Variants in ITPR2 observed in about 807,000 individuals in gnomAD.
ITPR2 encodes the protein inositol 1,4,5-trisphosphate receptor type 2, also known as inositol 1,4,5-trisphosphate-gated calcium channel ITPR2.
A neutral mutation model predicts 317.1 loss-of-function variants in ITPR2; 207 were observed. The ratio of observed to expected loss-of-function variants is 0.65; its 90% CI spans 0.58 to 0.73. The LOEUF (loss-of-function observed/expected upper bound fraction) is 0.73. Among genes scored for constraint, ITPR2 ranks in the 30% least tolerant of loss-of-function variants. The probability of loss-of-function intolerance (pLI) is 0.00; values close to 1 mark genes in which losing one functional copy is unlikely to be tolerated. For missense variants in ITPR2, 2,613 were observed against 3,284.0 expected (o/e 0.80, Z 4.99); for synonymous variants, 1,156 against 1,149.1 (o/e 1.01, Z -0.12).
chr12:26,657,859 C>T lies in ITPR2; in HGVS notation c.2040G>A (p.Glu680=), dbSNP rs1176661834. 1 of 1,614,036 alleles carries T rather than the reference C, an allele frequency of 6.2e-7. No homozygotes were observed. Among genetic ancestry groups the T allele is most frequent in the Non-Finnish European group, 8.5e-7 (1 of 1,180,030 alleles). ...CAATGTCATCTGAAAGGATGGAGCTCTCCATGGGGTTGTCTGCTTGCATTG... is the reference window on the plus strand; with the variant it reads ...CAATGTCATCTGAAAGGATGGAGCTTTCCATGGGGTTGTCTGCTTGCATTG... ...VVSMQADNPM[E]SSILSDDIDD... Residue 680 remains glutamate (E), a synonymous_variant, in exon 18 of 57, where the codon GAG becomes GAA. Transcript: ENST00000381340.
chr12:26,798,428 TAGTTTGA>T (rs1950493811), intron 1 of ITPR2, among the ~76,000 whole-genome samples: 1 of 152,230 alleles, frequency 6.6e-6, no homozygotes, highest in Non-Finnish European at 1.5e-5. Flanking sequence ...TTATACACTG[TAGTTTGA>T]AAGTTTAAGT....
chr12:26,782,018 ATATATATATATATATG>A lies in ITPR2; in HGVS notation c.163+8123_163+8138del, dbSNP rs1338043818. Among the ~76,000 whole-genome samples the A allele has an allele frequency of 2.9e-3, 83 of 28,990 alleles. 2 individuals carry two copies. Among genetic ancestry groups the A allele is most frequent in the African/African-American group, 6.8e-3 (62 of 9,178 alleles). The allele number at this position is 28,990 out of a possible 152,430, so 19.0% of individuals were successfully genotyped here. The stretch of plus-strand genomic sequence containing the variant: ...TATATATATATATATATATATATAT[ATATATATATATATATG>A]TATAGAGAGAGAGAGAGAGAGAGAG... On this transcript the variant is annotated intron_variant, in intron 2 of 56. Coordinates refer to ENST00000381340, the MANE Select transcript of ITPR2 (RefSeq NM_002223.4).
At chr12:26,435,818 T>C (rs1231561380) in intron 48 of ITPR2, among the ~76,000 whole-genome samples, 1 of 152,192 alleles carries the variant, frequency 6.6e-6, no homozygotes, top group African/African-American at 2.4e-5. Flanking sequence ...GTATGCTCAC[T>C]ATAGAAACCT....
At position 26,379,133 on chromosome 12, in the gene ITPR2, C is replaced by T. The variant is rs544685132; in HGVS notation, c.7857+8301G>A. 4.0e-4 allele frequency among the ~76,000 whole-genome samples: 61 copies of T among 152,302 alleles called. No homozygotes were observed. The South Asian group carries it at 4.6e-3, about 11-fold the overall frequency. ...CCTGGCACATTATGGGCATGGCATC[C>T]GTTTGTGCAAGCTGTGCCACTTTGG... On this transcript the variant is annotated intron_variant, in intron 55 of 56. Transcript: ENST00000381340.
In ITPR2 at chr12:26,599,943, A is replaced by G. The variant is rs772546748; in HGVS notation, c.3801+44T>C. 4 of 1,468,070 alleles carry G rather than the reference A, an allele frequency of 2.7e-6. No homozygotes were observed. The East Asian group carries it at 6.8e-5, about 25-fold the overall frequency. 90.9% of individuals were successfully genotyped at this position (1,468,070 alleles called of 1,614,324 possible). ...CATGAATGTTACTGAGACAAATTTG[A>G]TGCACACTTTACTAGAAATACTAGA... is the stretch of plus-strand genomic sequence containing the variant. On this transcript the variant is annotated intron_variant, in intron 29 of 56. Coordinates refer to ENST00000381340, the MANE Select transcript of ITPR2 (RefSeq NM_002223.4).
chr12:26,814,589 A>T (rs2137275164), intron 1 of ITPR2, among the ~76,000 whole-genome samples: 1 of 152,354 alleles, frequency 6.6e-6, no homozygotes, highest in East Asian at 1.9e-4. Context: ...TCAAGAATTT[A>T]TGTTAGCTAA....
At chr12:26,422,519 C>G (rs1307866776) in intron 49 of ITPR2, among the ~76,000 whole-genome samples, 1 of 152,102 alleles carries the variant, frequency 6.6e-6, no homozygotes, top group Admixed American at 6.6e-5. Context: ...CTTTGGTAAA[C>G]CCTCCTGGTG....
chr12:26,826,634 A>G (rs1026073306), intron 1 of ITPR2, among the ~76,000 whole-genome samples: 3 of 152,172 alleles, frequency 2.0e-5, no homozygotes, highest in East Asian at 3.8e-4. Context: ...CAGCGCATCA[A>G]TTGGTAGTCA....
chr12:26,370,024 G>A lies in ITPR2; in HGVS notation c.7857+17410C>T, dbSNP rs539910901. On this transcript the variant is annotated intron_variant, in intron 55 of 56. Transcript: ENST00000381340. ...CAAAGACAGGGCACAGAAGCCCTGT[G>A]TTCAAAACCCACTCAGATCTTGCCC... 3.1e-4 allele frequency among the ~76,000 whole-genome samples: 47 copies of A among 152,180 alleles called. No individual in the cohort carries two copies. In the South Asian group the frequency reaches 8.7e-3, roughly 28 times the overall value.
Position 26,585,587 on chromosome 12 carries a change from T to C in ITPR2, c.4381-5432A>G, listed in dbSNP as rs1945505914. Among the ~76,000 whole-genome samples the C allele has an allele frequency of 2.0e-5, 3 of 152,120 alleles. No homozygotes were observed. In the South Asian group the frequency reaches 6.2e-4, roughly 32 times the overall value. ...ACCCGACTAATTTTTGTATTTTTTG[T>C]AGAGACAGGGTTTCGCCATGTTTCC... On this transcript the variant is annotated intron_variant, in intron 32 of 56. Coordinates refer to ENST00000381340, the MANE Select transcript of ITPR2 (RefSeq NM_002223.4).
intron 55 of ITPR2, among the ~76,000 whole-genome samples, chr12:26,376,521 G>T (rs994402585): frequency 6.6e-6 from 1 of 151,886 alleles, no homozygotes; most frequent in African/African-American, 2.4e-5. Flanking sequence ...TTGTTGCTGG[G>T]TAATAAAATC....
At chr12:26,491,219 C>G (rs144622621) in intron 39 of ITPR2, among the ~76,000 whole-genome samples, 85 of 152,008 alleles carry the variant, frequency 5.6e-4, no homozygotes, top group African/African-American at 1.9e-3. Context: ...TGTGGTGGCT[C>G]ACACCTGTAA....
intron 40 of ITPR2, chr12:26,486,767 A>G (rs1387847909): frequency 5.1e-6 from 3 of 582,782 alleles, no homozygotes; most frequent in Non-Finnish European, 9.7e-6. Context: ...TCTGTTTTTA[A>G]AGTTTCATTT....
At chr12:26,342,927 C>T (rs530035173) in intron 55 of ITPR2, among the ~76,000 whole-genome samples, 1 of 151,854 alleles carries the variant, frequency 6.6e-6, no homozygotes, top group Admixed American at 6.6e-5. Flanking sequence ...CTCTTAGGAG[C>T]CTGGATGGGT....
chr12:26,419,259 A>G (rs1565516147), intron 49 of ITPR2, 46 bp from the exon 50 acceptor site: 2 of 1,554,304 alleles, frequency 1.3e-6, no homozygotes, highest in Non-Finnish European at 1.8e-6. Flanking sequence ...TTTATCCTGA[A>G]ACCCACATGG....
rs142361632 is a variant in ITPR2, at chr12:26,546,392, C to T, written c.5073+3855G>A. On this transcript the variant is annotated intron_variant, in intron 37 of 56. Coordinates refer to ENST00000381340, the MANE Select transcript of ITPR2 (RefSeq NM_002223.4). ...TGTTACCTATCTTTCCACTCTCTTA[C>T]CTTCATATGATCAAATGTGTTAGCT... 9.9e-4 allele frequency among the ~76,000 whole-genome samples: 151 copies of T among 152,276 alleles called. 1 individual carries two copies. The highest frequency in any genetic ancestry group is 3.4e-3 in the African/African-American group (142 of 41,564).
chr12:26,632,091 C>T (rs1274451848), intron 21 of ITPR2, 32 bp from the exon 22 acceptor site: 2 of 1,493,684 alleles, frequency 1.3e-6, no homozygotes, highest in Non-Finnish European at 1.8e-6. Context: ...AGTCAACACA[C>T]ACAACCCCTG....
intron 43 of ITPR2, among the ~76,000 whole-genome samples, chr12:26,479,167 T>C (rs970299199): frequency 7.9e-5 from 12 of 151,192 alleles, no homozygotes; most frequent in African/African-American, 2.7e-4. Flanking sequence ...AAACTATACT[T>C]TAAATATTTC....
chr12:26,437,841 G>T (rs61914393), intron 47 of ITPR2, among the ~76,000 whole-genome samples: 1 of 151,982 alleles, frequency 6.6e-6, no homozygotes, highest in Non-Finnish European at 1.5e-5. Context: ...TCACTCTGTC[G>T]CCCAGGCTGG....
Sources: allele counts gnomAD v4.1 joint callset (sites outside exome capture counted in the v4.1 genomes callset), GRCh38; gene constraint gnomAD v4.1.1; transcripts MANE v1.5; gene names NCBI Gene and HGNC (gene_info 2026-07-23, HGNC 2026-07-21).